Variants in TRPM7 observed in about 807,000 individuals in gnomAD.
TRPM7 encodes the protein transient receptor potential cation channel subfamily M member 7.
Under a neutral mutation model 229.7 loss-of-function variants are expected in TRPM7, and 134 were observed. The ratio of observed to expected loss-of-function variants is 0.58; its 90% CI spans 0.51 to 0.67. The LOEUF is 0.67. Ranked by LOEUF, TRPM7 falls within the 30% of genes least tolerant of loss-of-function variation. The pLI is 0.00. For synonymous variants in TRPM7, 699 were observed against 715.2 expected, an observed-to-expected ratio of 0.98 and a Z score of 0.36; for missense variants, 1,901 against 2,210.0, an observed-to-expected ratio of 0.86 and a Z score of 2.80.
rs1566969512 is a variant in TRPM7, at chr15:50,592,219, T to C, written c.4016A>G (p.Gln1339Arg). ...IFGQDLPAVP[Q>R]RKEFNFPEAG... The stretch of plus-strand genomic sequence containing the variant: ...CTCTGGAAAATTAAATTCTTTTCTC[T>C]GGGGTACTGCAGGTAAGTCTTGACC... Residue 1339 changes from glutamine to arginine, a missense_variant, in exon 26 of 39, where the codon CAG (glutamine) becomes CGG (arginine). Gln to Arg is a conservative substitution (Grantham distance 43). This residue lies in a region of TRPM7 where 533 missense variants were observed against 497.1 expected (regional missense o/e 1.07). Transcript: ENST00000646667. 6.2e-7 allele frequency: 1 copy of C among 1,614,178 alleles called. No individual in the cohort carries two copies. The highest frequency in any genetic ancestry group is 1.3e-5 in the African/African-American group (1 of 75,056).
Position 50,560,512 on chromosome 15 carries a change from T to A in TRPM7, c.*1166A>T, listed in dbSNP as rs1029414266. 2.6e-5 allele frequency: 4 copies of A among 151,024 alleles called. No individual in the cohort carries two copies. The highest frequency in any genetic ancestry group is 4.4e-5 in the Non-Finnish European group (3 of 67,556). The allele number at this position is 151,024 out of a possible 1,614,324, so 9.4% of individuals were successfully genotyped here. On this transcript the variant is annotated 3_prime_UTR_variant, in exon 39 of 39. Transcript: ENST00000646667. The stretch of plus-strand genomic sequence containing the variant: ...GCTCCCTTCCAAATAAAAATTAAAA[T>A]TAGTACCAAGGAAACAAAAGAAAAA...
intron 19 of TRPM7, 89 bp downstream of exon 19, chr15:50,609,492 T>C (rs913082438): frequency 7.9e-6 from 10 of 1,262,634 alleles, no homozygotes; most frequent in Non-Finnish European, 1.1e-5. Flanking sequence ...GTGATCTAAG[T>C]TATATCAACA....
chr15:50,639,431 C>G lies in TRPM7; in HGVS notation c.653G>C (p.Gly218Ala). The G allele has an allele frequency of 3.8e-6, 6 of 1,592,494 alleles. No individual in the cohort carries two copies. The highest frequency in any genetic ancestry group is 5.1e-6 in the Non-Finnish European group (6 of 1,168,192). Residue 218 changes from glycine to alanine, a missense_variant, in exon 6 of 39, where the codon GGG becomes GCG. Coordinates refer to ENST00000646667, the MANE Select transcript of TRPM7 (RefSeq NM_017672.6). ...TTTAAAAATAATTCTTACATCTCTC[C>G]CAACAAGATCATTTCTGTTTTCAAT... ...GVIENRNDLV[G>A]RDVVAPYQTL... is the part of the protein sequence containing the mutation.
Position 50,561,689 on chromosome 15 carries a change from G to C in TRPM7, c.5587C>G (p.Leu1863Val), listed in dbSNP as rs754292365. ...CAGTAATATTAATATTATAACATCA[G>C]ACGAACAGAATTAGTTGATTCTGAT... is the stretch of plus-strand genomic sequence containing the variant. Reference protein sequence around the residue: ...KESESTNSVRLML With the variant: ...KESESTNSVRVML The change falls in exon 39 of 39, where the codon CTG becomes GTG. Residue 1863 changes from leucine to valine, a missense_variant. Coordinates refer to ENST00000646667, the MANE Select transcript of TRPM7 (RefSeq NM_017672.6). 1 of 1,609,702 alleles carries C rather than the reference G, an allele frequency of 6.2e-7. No individual in the cohort carries two copies. Among genetic ancestry groups the C allele is most frequent in the African/African-American group, 1.3e-5 (1 of 74,594 alleles).
At chr15:50,638,621 A>G (rs1309703967) in intron 6 of TRPM7, among the ~76,000 whole-genome samples, 1 of 152,138 alleles carries the variant, frequency 6.6e-6, no homozygotes, top group African/African-American at 2.4e-5. Context: ...TAGACTCAAA[A>G]ACTGACATTA....
At chr15:50,671,680 C>T (rs557722970) in intron 1 of TRPM7, among the ~76,000 whole-genome samples, 12 of 152,050 alleles carry the variant, frequency 7.9e-5, no homozygotes, top group African/African-American at 2.7e-4. Flanking sequence ...CATGTTGGTG[C>T]CTGCCTATAG....
intron 27 of TRPM7, chr15:50,588,348 A>G (rs543220768): frequency 8.6e-5 from 27 of 315,018 alleles, no homozygotes; most frequent in Non-Finnish European, 1.1e-4. Context: ...ATTTGCATAT[A>G]ATAACCAATT....
chr15:50,670,810 G>GAAAAAAAA (rs59965204), intron 1 of TRPM7, among the ~76,000 whole-genome samples: 2 of 113,508 alleles, frequency 1.8e-5, no homozygotes, highest in Admixed American at 8.7e-5. Flanking sequence ...AAAAGAAAAA[G>GAAAAAAAA]AAAAAAAAAA....
At chr15:50,685,638 G>C (rs989606346) in intron 1 of TRPM7, among the ~76,000 whole-genome samples, 1 of 152,160 alleles carries the variant, frequency 6.6e-6, no homozygotes, top group African/African-American at 2.4e-5. Context: ...TTTGCATAAA[G>C]CCTATCAAAT....
At chr15:50,680,731 C>A (rs1055289002) in intron 1 of TRPM7, among the ~76,000 whole-genome samples, 5 of 151,916 alleles carry the variant, frequency 3.3e-5, no homozygotes, top group Admixed American at 2.0e-4. Flanking sequence ...TTAAAAAAAA[C>A]CTTAACTTTT....
intron 28 of TRPM7, among the ~76,000 whole-genome samples, chr15:50,583,837 G>C (rs1445931121): frequency 1.3e-5 from 2 of 152,148 alleles, no homozygotes; most frequent in Non-Finnish European, 2.9e-5. Context: ...ACCTCCCAAA[G>C]TACTGGGATT....
chr15:50,629,333 C>T (rs1261485541), intron 10 of TRPM7, among the ~76,000 whole-genome samples: 1 of 149,340 alleles, frequency 6.7e-6, no homozygotes, highest in Admixed American at 6.7e-5. Flanking sequence ...AGTGCAGTGG[C>T]GTGGTCTTGG....
At chr15:50,660,909 A>T (rs534888819) in intron 2 of TRPM7, among the ~76,000 whole-genome samples, 1 of 152,320 alleles carries the variant, frequency 6.6e-6, no homozygotes, top group Admixed American at 6.5e-5. Context: ...GAAAACAACT[A>T]AATTGACCAA....
intron 26 of TRPM7, among the ~76,000 whole-genome samples, 199 bp from the exon 27 acceptor site, chr15:50,589,855 G>GTTTTTTGT (rs1035213299): frequency 6.7e-5 from 10 of 148,848 alleles, no homozygotes; most frequent in African/African-American, 2.5e-4. Flanking sequence ...AGTTTTTTTT[G>GTTTTTTGT]TTTTTTGTTT....
chr15:50,617,782 C>T (rs773255633), intron 13 of TRPM7, among the ~76,000 whole-genome samples: 1 of 151,910 alleles, frequency 6.6e-6, no homozygotes. Flanking sequence ...ACACCCCCAC[C>T]AATCATTTGG....
At chr15:50,566,470 G>T (rs2053602567) in intron 38 of TRPM7, among the ~76,000 whole-genome samples, 1 of 152,056 alleles carries the variant, frequency 6.6e-6, no homozygotes, top group South Asian at 2.1e-4. Context: ...GGCCGAGTCG[G>T]GTAGATCACG....
In TRPM7 at chr15:50,616,483, G is replaced by A. The variant is rs75419926; in HGVS notation, c.1495-2220C>T. On this transcript the variant is annotated intron_variant, in intron 13 of 38. Coordinates refer to ENST00000646667, the MANE Select transcript of TRPM7 (RefSeq NM_017672.6). ...TTTAAAAAGACCAAATCAAATTGAT[G>A]TGAAATGACCAGAATAAGCAAATCA... Among the ~76,000 whole-genome samples, 416 of 152,284 alleles carry A rather than the reference G, an allele frequency of 2.7e-3. 17 individuals carry two copies. The East Asian group carries it at 0.068, about 25-fold the overall frequency.
Position 50,607,226 on chromosome 15 carries a change from T to C in TRPM7, c.2683A>G (p.Thr895Ala), listed in dbSNP as rs765816459. Residue 895 changes from threonine to alanine, a missense_variant, in exon 20 of 39, where the codon ACT becomes GCT. By Grantham distance (58) the Thr-to-Ala change is moderately conservative. Around this residue, in one of 8 missense-constraint regions of TRPM7, gnomAD observed 207 missense variants for 241.5 expected, o/e 0.86. Coordinates refer to ENST00000646667, the MANE Select transcript of TRPM7 (RefSeq NM_017672.6). The part of the protein sequence containing the change: ...QEWIVIAYIF[T>A]YAIEKVREIF... ...TCACGGACTTTCTCAATGGCATAAGTAAAAATATAAGCAATAACAATCCAT... is the reference window on the plus strand; with the variant it reads ...TCACGGACTTTCTCAATGGCATAAGCAAAAATATAAGCAATAACAATCCAT... The C allele has an allele frequency of 4.3e-6, 7 of 1,610,508 alleles. No individual in the cohort carries two copies. The highest frequency in any genetic ancestry group is 2.2e-5 in the South Asian group (2 of 90,006).
In TRPM7 at chr15:50,604,837, C is replaced by T. The variant is rs750831967; in HGVS notation, c.2988+29G>A. On this transcript the variant is annotated intron_variant, in intron 21 of 38. Transcript: ENST00000646667. ...ATTTTTTAAAAAATCAATAAACCCA[C>T]GAGTATTATCAAACATCTGTCAACT... is the stretch of plus-strand genomic sequence containing the variant. 13 of 1,523,434 alleles carry T rather than the reference C, an allele frequency of 8.5e-6. No individual in the cohort carries two copies. In the East Asian group the frequency reaches 9.1e-5, roughly 11 times the overall value. The allele number at this position is 1,523,434 out of a possible 1,614,324, so 94.4% of individuals were successfully genotyped here.
Sources: allele counts gnomAD v4.1 joint callset (sites outside exome capture counted in the v4.1 genomes callset), GRCh38; gene constraint gnomAD v4.1.1; regional missense constraint gnomAD v4.1.1; transcripts MANE v1.5; gene names NCBI Gene and HGNC (gene_info 2026-07-23, HGNC 2026-07-21).